Variants in MYO10 observed in about 807,000 individuals in gnomAD.
MYO10 encodes the protein unconventional myosin-X.
MYO10 carries 133 observed loss-of-function variants against 257.3 expected under a neutral mutation model. The ratio of observed to expected loss-of-function variants is 0.52; its 90% CI spans 0.45 to 0.60. The LOEUF (loss-of-function observed/expected upper bound fraction) is 0.60, where lower values mean the gene tolerates loss of function less well. Among genes scored for constraint, MYO10 ranks in the 20% least tolerant of loss-of-function variants. The pLI, the probability that MYO10 is intolerant of heterozygous loss-of-function variation, is 0.00. For synonymous variants in MYO10, 1,104 were observed against 1,028.6 expected, an observed-to-expected ratio of 1.07 and a Z score of -1.40; for missense variants, 2,399 against 2,635.7, an observed-to-expected ratio of 0.91 and a Z score of 1.97.
rs137888536 is a variant in MYO10 at position 16,923,663 on chromosome 5, T to TACACACACACAGACACACAC, written c.21+12124_21+12125insGTGTGTGTCTGTGTGTGTGT. Among the ~76,000 whole-genome samples, 3 of 140,730 alleles carry TACACACACACAGACACACAC rather than the reference T, an allele frequency of 2.1e-5. No homozygotes were observed. In the East Asian group the frequency reaches 6.3e-4, roughly 29 times the overall value. 92.3% of individuals were successfully genotyped at this position (140,730 alleles called of 152,430 possible). ...AAATAATAAGCCTTAAACACGCCCATACACACACACACACACACACACACA... is the reference window on the plus strand; with the variant it reads ...AAATAATAAGCCTTAAACACGCCCATACACACACACAGACACACACACACACACACACACACACACACACA... On this transcript the variant is annotated intron_variant, in intron 1 of 40. Coordinates refer to ENST00000513610, the MANE Select transcript of MYO10 (RefSeq NM_012334.3).
intron 17 of MYO10, among the ~76,000 whole-genome samples, chr5:16,759,924 T>G (rs1173862031): frequency 6.6e-6 from 1 of 152,182 alleles, no homozygotes; most frequent in Non-Finnish European, 1.5e-5. Flanking sequence ...AGGCTGATAC[T>G]ACCTTATATG....
chr5:16,778,845 C>T (rs1678064471), intron 9 of MYO10, among the ~76,000 whole-genome samples: 1 of 152,100 alleles, frequency 6.6e-6, no homozygotes, highest in Admixed American at 6.6e-5. Context: ...CGCCCGCCAC[C>T]ACGCCCGGCT....
chr5:16,846,077 A>G (rs1308214218), intron 2 of MYO10, among the ~76,000 whole-genome samples: 1 of 152,222 alleles, frequency 6.6e-6, no homozygotes, highest in Admixed American at 6.5e-5. Flanking sequence ...GCTCAAATCC[A>G]AAGTTCTGGG....
At chr5:16,917,524 A>G (rs1309865477) in intron 1 of MYO10, among the ~76,000 whole-genome samples, 1 of 152,024 alleles carries the variant, frequency 6.6e-6, no homozygotes, top group Non-Finnish European at 1.5e-5. Context: ...CGGTGAGGCA[A>G]AAGTGCCTCC....
intron 1 of MYO10, among the ~76,000 whole-genome samples, chr5:16,921,720 A>T (rs1205919255): frequency 6.6e-6 from 1 of 152,108 alleles, no homozygotes; most frequent in Non-Finnish European, 1.5e-5. Flanking sequence ...AAGAGTATAG[A>T]CATGATACAG....
At chr5:16,779,515 T>G (rs1465041576) in intron 9 of MYO10, 30 bp downstream of exon 9, 2 of 1,336,108 alleles carry the variant, frequency 1.5e-6, no homozygotes, top group African/African-American at 1.5e-5. Context: ...TCTGATATCT[T>G]AATAGGGAAA....
intron 19 of MYO10, among the ~76,000 whole-genome samples, chr5:16,714,406 G>C (rs1738758087): frequency 6.6e-6 from 1 of 152,144 alleles, no homozygotes. Flanking sequence ...CATGGTTCTT[G>C]TATTCAAGAT....
rs777928068 is a variant in MYO10 at position 16,794,663 on chromosome 5, G to A, written c.450C>T (p.Asn150=). Residue 150 remains asparagine, a synonymous_variant, in exon 4 of 41, where the codon AAC becomes AAT. Transcript: ENST00000513610. ...CYRCLWKRHD[N]QCILISGESG... ...CCCGTTACCTGATGAGGATGCACTG[G>A]TTGTCGTGGCGCTTCCACAGGCAGC... 5.6e-5 allele frequency: 90 copies of A among 1,611,366 alleles called. 1 individual carries two copies. In the South Asian group the frequency reaches 8.9e-4, roughly 16 times the overall value.
At chr5:16,739,317 C>A (rs550703054) in intron 19 of MYO10, among the ~76,000 whole-genome samples, 2 of 151,874 alleles carry the variant, frequency 1.3e-5, no homozygotes, top group South Asian at 4.2e-4. Flanking sequence ...TATATTTCAC[C>A]TTTTGCAAAT....
At chr5:16,677,896 G>A (rs570273768) in intron 33 of MYO10, among the ~76,000 whole-genome samples, 1 of 152,004 alleles carries the variant, frequency 6.6e-6, no homozygotes, top group Non-Finnish European at 1.5e-5. Flanking sequence ...AAGTAGCTGG[G>A]ACTACAGGCA....
chr5:16,680,349 T>C (rs1736934922), intron 32 of MYO10, among the ~76,000 whole-genome samples: 1 of 152,144 alleles, frequency 6.6e-6, no homozygotes, highest in Non-Finnish European at 1.5e-5. Context: ...AAACCCATCA[T>C]TAAATATATA....
intron 1 of MYO10, among the ~76,000 whole-genome samples, chr5:16,891,452 CG>C (rs1328219021): frequency 6.0e-5 from 9 of 150,786 alleles, no homozygotes; most frequent in African/African-American, 2.2e-4. Flanking sequence ...GGTGGTTGCC[CG>C]GGGCTGGGAG....
chr5:16,883,899 A>G (rs1744824631), intron 1 of MYO10, among the ~76,000 whole-genome samples: 1 of 152,210 alleles, frequency 6.6e-6, no homozygotes, highest in Admixed American at 6.5e-5. Flanking sequence ...GCATGTTCTA[A>G]TTACAGGTTC....
chr5:16,803,282 G>C (rs1016687409), intron 3 of MYO10, among the ~76,000 whole-genome samples: 2 of 151,378 alleles, frequency 1.3e-5, no homozygotes, highest in African/African-American at 4.9e-5. Context: ...TAAAAAGTTA[G>C]CCAGGTATGA....
chr5:16,817,720 C>T (rs1742666399), intron 3 of MYO10, among the ~76,000 whole-genome samples: 1 of 152,178 alleles, frequency 6.6e-6, no homozygotes, highest in Admixed American at 6.5e-5. Context: ...TGGCAGAACA[C>T]TTAGAAACTG....
intron 27 of MYO10, among the ~76,000 whole-genome samples, chr5:16,691,490 G>A (rs1332957271): frequency 6.6e-6 from 1 of 151,990 alleles, no homozygotes; most frequent in Non-Finnish European, 1.5e-5. Context: ...CTTCAGGTCA[G>A]GAGTTTGAGA....
chr5:16,683,989 C>G, intron 29 of MYO10, 54 bp from the exon 30 acceptor site: 1 of 1,529,010 alleles, frequency 6.5e-7, no homozygotes, highest in Non-Finnish European at 9.0e-7. Context: ...GTAGGGTGCA[C>G]ACTACAGTAA....
At chr5:16,771,344 T>C (rs1304074870) in intron 9 of MYO10, among the ~76,000 whole-genome samples, 1 of 151,992 alleles carries the variant, frequency 6.6e-6, no homozygotes. Flanking sequence ...TACTATAAAT[T>C]AGTATAATCT....
intron 21 of MYO10, among the ~76,000 whole-genome samples, chr5:16,708,765 G>C (rs1738461764): frequency 6.6e-6 from 1 of 152,102 alleles, no homozygotes; most frequent in Non-Finnish European, 1.5e-5. Context: ...GTCTCACTAT[G>C]TTTTCCAGGC....
Sources: allele counts gnomAD v4.1 joint callset (sites outside exome capture counted in the v4.1 genomes callset), GRCh38; gene constraint gnomAD v4.1.1; transcripts MANE v1.5; gene names NCBI Gene and HGNC (gene_info 2026-07-23, HGNC 2026-07-21).